The following RASGRP3 variants were observed in gnomAD, a reference collection of about 807,000 sequenced individuals.
RASGRP3 encodes ras guanyl-releasing protein 3.
RASGRP3 carries 54 observed loss-of-function variants against 82.7 expected under a neutral mutation model. That is an observed-to-expected ratio of 0.65 (90% CI 0.52 to 0.82). The LOEUF is 0.82. RASGRP3 is among the 40% of genes least tolerant of loss of function. RASGRP3 has a pLI of 0.00. For missense variants in RASGRP3, 861 were observed against 828.9 expected (o/e 1.04, Z -0.48); for synonymous variants, 309 against 300.5 (o/e 1.03, Z -0.29).
Position 33,562,856 on chromosome 2 carries a change from G to A in RASGRP3, c.*119G>A. On this transcript the variant is annotated 3_prime_UTR_variant, in exon 18 of 18. Transcript: ENST00000403687. ...CTGGAAAGATACCTGGATGTTTACTGCCTTGGGACACTGTGGGATCTCCAT... is the reference window on the plus strand; with the variant it reads ...CTGGAAAGATACCTGGATGTTTACTACCTTGGGACACTGTGGGATCTCCAT... The A allele has an allele frequency of 7.6e-7, 1 of 1,320,294 alleles. No individual in the cohort carries two copies. Among genetic ancestry groups the A allele is most frequent in the South Asian group, 1.3e-5 (1 of 78,636 alleles). 81.8% of individuals were successfully genotyped at this position (1,320,294 alleles called of 1,614,324 possible).
Position 33,520,673 on chromosome 2 carries a change from C to T in RASGRP3, c.357C>T (p.Asp119=). Reference sequence around the variant, plus strand: ...ATGAAAAACACGTCAGCCTCATCGACATATCCAGCATGTAAGAGTGGCACC... The same window carrying T: ...ATGAAAAACACGTCAGCCTCATCGATATATCCAGCATGTAAGAGTGGCACC... The part of the protein sequence containing the change: ...LGYEKHVSLI[D]ISSIPSYDWM... The change falls in exon 6 of 18, where the codon GAC becomes GAT. Residue 119 remains aspartate (D), a synonymous_variant. Coordinates refer to ENST00000403687, the MANE Select transcript of RASGRP3 (RefSeq NM_001139488.2). 3.7e-6 allele frequency: 6 copies of T among 1,613,930 alleles called. No homozygotes were observed. The highest frequency in any genetic ancestry group is 1.3e-5 in the African/African-American group (1 of 75,044).
At chr2:33,559,661 C>CTA (rs780158710) in intron 17 of RASGRP3, 7 of 517,672 alleles carry the variant, frequency 1.4e-5, no homozygotes, top group South Asian at 9.8e-5. Flanking sequence ...AGTTAACAGT[C>CTA]TATAGTGTAT....
chr2:33,449,864 G>T (rs1665696665), intron 2 of RASGRP3, among the ~76,000 whole-genome samples: 1 of 152,084 alleles, frequency 6.6e-6, no homozygotes. Context: ...GTAAAGATAA[G>T]AAAGGTATTT....
At position 33,524,034 on chromosome 2, in the gene RASGRP3, G is replaced by C; in HGVS notation, c.672G>C (p.Lys224Asn). The change falls in exon 8 of 18, where the codon AAG becomes AAC. Residue 224 changes from lysine (K) to asparagine (N), a missense_variant. Transcript: ENST00000403687. ...TPQQRAEVIT[K>N]FINVAKKLLQ... ...AGCAAAGGGCAGAAGTCATCACAAA[G>C]TTTATCAATGTTGCAAAGGTATGTC... 1 of 1,613,898 alleles carries C rather than the reference G, an allele frequency of 6.2e-7. No individual in the cohort carries two copies. The highest frequency in any genetic ancestry group is 2.2e-5 in the East Asian group (1 of 44,874).
At position 33,479,875 on chromosome 2, in the gene RASGRP3, G is replaced by A. The variant is rs868489311; in HGVS notation, c.-261+3168G>A. ...TTAGGGTTGGAGATAATGGGAAAGAGCACCAGGTAGTATGTAATCAACAGG... is the reference window on the plus strand; with the variant it reads ...TTAGGGTTGGAGATAATGGGAAAGAACACCAGGTAGTATGTAATCAACAGG... On this transcript the variant is annotated intron_variant, in intron 1 of 17. Transcript: ENST00000403687. 7.5e-3 allele frequency among the ~76,000 whole-genome samples: 1,135 copies of A among 152,166 alleles called. 14 individuals carry two copies. The highest frequency in any genetic ancestry group is 0.027 in the African/African-American group (1,100 of 41,504).
chr2:33,443,321 G>A (rs1665327395), intron 1 of RASGRP3, among the ~76,000 whole-genome samples: 1 of 152,132 alleles, frequency 6.6e-6, no homozygotes, highest in African/African-American at 2.4e-5. Flanking sequence ...ATGAAAATGA[G>A]GGATGGGTTA....
At chr2:33,486,472 T>C (rs1168423721) in intron 1 of RASGRP3, among the ~76,000 whole-genome samples, 1 of 148,462 alleles carries the variant, frequency 6.7e-6, no homozygotes. Flanking sequence ...CTGGCCTCAC[T>C]TGGTATTTCT....
At chr2:33,488,661 A>C (rs1668597455) in intron 1 of RASGRP3, among the ~76,000 whole-genome samples, 1 of 152,248 alleles carries the variant, frequency 6.6e-6, no homozygotes, top group South Asian at 2.1e-4. Flanking sequence ...CACAGGAATA[A>C]AACAAGGGCC....
At chr2:33,495,381 A>G (rs937533307) in intron 1 of RASGRP3, among the ~76,000 whole-genome samples, 2 of 152,110 alleles carry the variant, frequency 1.3e-5, no homozygotes, top group African/African-American at 2.4e-5. Context: ...GTAGTTCACA[A>G]TAGGGTTTGT....
In RASGRP3 at chr2:33,540,615, TTC is replaced by T. The variant is rs72384480; in HGVS notation, c.1278+1429_1278+1430del. ...GTGTGTGTGTGTGTGTCTGGGGAAT[TTC>T]TCTCTCTCTCTCTCTCTCTCTCTGT... On this transcript the variant is annotated intron_variant, in intron 12 of 17. Transcript: ENST00000403687. Among the ~76,000 whole-genome samples the T allele has an allele frequency of 5.4e-3, 659 of 121,640 alleles. 13 individuals are homozygous for T. Among genetic ancestry groups the T allele is most frequent in the African/African-American group, 0.015 (512 of 34,020 alleles). The allele number at this position is 121,640 out of a possible 152,430, so 79.8% of individuals were successfully genotyped here. A position where few individuals can be genotyped will look rare whatever the true frequency, so the allele number is the denominator to read the frequency against.
At chr2:33,509,130 G>A (rs1670682030) in intron 1 of RASGRP3, among the ~76,000 whole-genome samples, 3 of 152,186 alleles carry the variant, frequency 2.0e-5, no homozygotes, top group South Asian at 4.1e-4. Context: ...GCAGGGTGTG[G>A]TGGCTCATGC....
chr2:33,538,530 T>G (rs1440365262), intron 11 of RASGRP3, among the ~76,000 whole-genome samples: 1 of 145,444 alleles, frequency 6.9e-6, no homozygotes, highest in African/African-American at 2.7e-5. Flanking sequence ...AAATAAATAA[T>G]AAAAATAAAA....
chr2:33,562,344 C>G (rs1200870491), intron 17 of RASGRP3, among the ~76,000 whole-genome samples: 1 of 151,634 alleles, frequency 6.6e-6, no homozygotes, highest in Non-Finnish European at 1.5e-5. Context: ...CATAGCTCAC[C>G]ACAGCCTCGA....
intron 2 of RASGRP3, among the ~76,000 whole-genome samples, chr2:33,457,187 A>G (rs777550726): frequency 2.7e-4 from 41 of 152,134 alleles, no homozygotes; most frequent in South Asian, 1.0e-3. Flanking sequence ...TGCTTTCTTC[A>G]CGCTAATTAT....
chr2:33,440,682 A>G (rs937979486), intron 1 of RASGRP3, among the ~76,000 whole-genome samples: 1 of 152,202 alleles, frequency 6.6e-6, no homozygotes, highest in Non-Finnish European at 1.5e-5. Context: ...ATTAACCTCC[A>G]GAATCGTTTT....
At chr2:33,525,056 G>C (rs1190675338) in intron 9 of RASGRP3, among the ~76,000 whole-genome samples, 13 of 148,870 alleles carry the variant, frequency 8.7e-5, no homozygotes, top group African/African-American at 3.0e-4. Context: ...ACTCCAACCT[G>C]GGCGATAGAG....
chr2:33,514,582 G>T (rs951751955), intron 2 of RASGRP3, among the ~76,000 whole-genome samples: 2 of 151,602 alleles, frequency 1.3e-5, no homozygotes, highest in African/African-American at 4.8e-5. Flanking sequence ...CTACTTGGGG[G>T]TCAGAAGTGG....
At chr2:33,519,647 T>C (rs1384527237) in intron 4 of RASGRP3, among the ~76,000 whole-genome samples, 1 of 152,184 alleles carries the variant, frequency 6.6e-6, no homozygotes, top group Non-Finnish European at 1.5e-5. Flanking sequence ...ACTTTAATTA[T>C]GTATAGTTGC....
At chr2:33,496,921 G>C (rs1277233797) in intron 1 of RASGRP3, among the ~76,000 whole-genome samples, 1 of 152,070 alleles carries the variant, frequency 6.6e-6, no homozygotes, top group Non-Finnish European at 1.5e-5. Flanking sequence ...TGCTTTAGAT[G>C]CATGAAAGCA....
Sources: gnomAD v4.1 joint callset for allele counts (sites outside exome capture counted in the v4.1 genomes callset) on GRCh38, gnomAD v4.1.1 for gene constraint, MANE v1.5 for transcripts, NCBI Gene and HGNC (gene_info 2026-07-23, HGNC 2026-07-21) for gene names.